The following DNAAF5 variants were observed in gnomAD, a reference collection of about 807,000 sequenced individuals.
DNAAF5 encodes the protein HEAT repeat containing 2.
DNAAF5 carries 64 observed loss-of-function variants against 75.8 expected under a neutral mutation model. The ratio of observed to expected loss-of-function variants is 0.84; its 90% confidence interval spans 0.69 to 1.04. DNAAF5 has a LOEUF of 1.04. Among genes scored for constraint, DNAAF5 ranks in the 50% least tolerant of loss-of-function variants. The probability of loss-of-function intolerance (pLI) is 0.00; values close to 1 mark genes in which losing one functional copy is unlikely to be tolerated. For missense variants in DNAAF5, 1,269 were observed against 1,178.5 expected (o/e 1.08, Z -1.12); for synonymous variants, 657 against 557.2 (o/e 1.18, Z -2.52).
intron 6 of DNAAF5, among the ~76,000 whole-genome samples, chr7:758,690 AT>A (rs1782558695): frequency 6.6e-6 from 1 of 151,402 alleles, no homozygotes; most frequent in South Asian, 2.1e-4. Flanking sequence ...ATTTTTATTT[AT>A]TTACTTTTTG....
At chr7:776,613 T>G (rs1562400627) in intron 11 of DNAAF5, among the ~76,000 whole-genome samples, 3 of 152,104 alleles carry the variant, frequency 2.0e-5, no homozygotes, top group Non-Finnish European at 4.4e-5. Flanking sequence ...TGTCGCCGCC[T>G]CCTGGAGCCC....
intron 6 of DNAAF5, among the ~76,000 whole-genome samples, chr7:760,341 A>AC (rs974235332): frequency 6.6e-6 from 1 of 151,958 alleles, no homozygotes. Context: ...TTGAACTTGC[A>AC]CCCCCATTAG....
intron 12 of DNAAF5, among the ~76,000 whole-genome samples, chr7:782,592 C>G (rs1408596798): frequency 1.3e-5 from 2 of 149,556 alleles, no homozygotes; most frequent in African/African-American, 5.1e-5. Flanking sequence ...CCCGGCGTGG[C>G]CGCGTCCCGT....
At chr7:728,919 G>A (rs1781462851) in intron 1 of DNAAF5, among the ~76,000 whole-genome samples, 2 of 151,814 alleles carry the variant, frequency 1.3e-5, no homozygotes, top group South Asian at 2.1e-4. Flanking sequence ...TGGAATAGCC[G>A]TTTCCCAGAC....
chr7:763,028 G>A (rs1414151411), intron 7 of DNAAF5, among the ~76,000 whole-genome samples: 1 of 152,136 alleles, frequency 6.6e-6, no homozygotes, highest in Non-Finnish European at 1.5e-5. Context: ...CTCCCATTCT[G>A]TCTCTGTGGA....
chr7:726,902 G>C lies in DNAAF5; in HGVS notation c.182G>C (p.Gly61Ala). 1 of 1,345,392 alleles carries C rather than the reference G, an allele frequency of 7.4e-7. No homozygotes were observed. Among genetic ancestry groups the C allele is most frequent in the Admixed American group, 3.4e-5 (1 of 29,644 alleles). 83.3% of individuals were successfully genotyped at this position (1,345,392 alleles called of 1,614,324 possible). Residue 61 changes from glycine (G) to alanine (A), a missense_variant, in exon 1 of 13, where the codon GGC becomes GCC. Coordinates refer to ENST00000297440, the MANE Select transcript of DNAAF5 (RefSeq NM_017802.4). ...EALRRALEEPGPAADPTAFQG... is the reference protein window; with the variant it reads ...EALRRALEEPAPAADPTAFQG... ...CTGCGGCGCGCGCTGGAGGAGCCAG[G>C]CCCTGCCGCCGACCCCACCGCTTTC...
rs558730474 is a variant in DNAAF5, at chr7:735,566, C to T, written c.781-5253C>T. Among the ~76,000 whole-genome samples, 22 of 152,292 alleles carry T rather than the reference C, an allele frequency of 1.4e-4. No homozygotes were observed. The East Asian group carries it at 3.5e-3, about 24-fold the overall frequency. On this transcript the variant is annotated intron_variant, in intron 2 of 12. Transcript: ENST00000297440. ...TAGCTGCTCACAGTGTCGCTGCTCACGATGTCATTGCTCACAGTGTAGTTG... is the reference window on the plus strand; with the variant it reads ...TAGCTGCTCACAGTGTCGCTGCTCATGATGTCATTGCTCACAGTGTAGTTG...
intron 8 of DNAAF5, chr7:769,161 C>G (rs765732015): frequency 1.3e-6 from 1 of 774,184 alleles, no homozygotes; most frequent in African/African-American, 1.7e-5. Context: ...ACTGGCGGCG[C>G]CAGGGAGAAG....
chr7:767,931 C>T (rs1434641734), intron 8 of DNAAF5, among the ~76,000 whole-genome samples: 3 of 143,542 alleles, frequency 2.1e-5, no homozygotes, highest in Admixed American at 6.9e-5. Context: ...GCTGGGAGGG[C>T]GGACACGTGG....
intron 2 of DNAAF5, among the ~76,000 whole-genome samples, chr7:738,950 C>G (rs1781817137): frequency 6.6e-6 from 1 of 152,264 alleles, no homozygotes; most frequent in Non-Finnish European, 1.5e-5. Flanking sequence ...CCAGCGAGTT[C>G]AGACTGCTCC....
Position 729,803 on chromosome 7 carries a change from G to A in DNAAF5, c.736G>A (p.Val246Met), listed in dbSNP as rs753602990. 14 of 1,614,102 alleles carry A rather than the reference G, an allele frequency of 8.7e-6. No individual in the cohort carries two copies. In the South Asian group the frequency reaches 1.1e-4, roughly 13 times the overall value. ...HFGNGKSVDD[V>M]LSHFAQRLFD... ...TGGCAACGGGAAGTCCGTGGACGAC[G>A]TGCTTTCCCATTTTGCTCAGCGACT... The change falls in exon 2 of 13, where the codon GTG becomes ATG. Residue 246 changes from valine to methionine, a missense_variant. Physicochemically the swap from Val to Met is conservative, Grantham distance 21. Transcript: ENST00000297440.
chr7:750,637 C>T (rs952318529), intron 4 of DNAAF5, among the ~76,000 whole-genome samples: 2 of 152,152 alleles, frequency 1.3e-5, no homozygotes. Flanking sequence ...GGAGCTCAGG[C>T]GGTCACACTC....
intron 4 of DNAAF5, among the ~76,000 whole-genome samples, chr7:742,038 G>T (rs551709551): frequency 6.6e-6 from 1 of 152,186 alleles, no homozygotes; most frequent in South Asian, 2.1e-4. Context: ...GCATCTCTCC[G>T]CAGAGCCCAG....
Position 741,410 on chromosome 7 carries a change from C to A in DNAAF5, c.969C>A (p.Asp323Glu), listed in dbSNP as rs201264312. 97 of 1,577,696 alleles carry A rather than the reference C, an allele frequency of 6.1e-5. 1 individual carries two copies. In the Admixed American group the frequency reaches 1.5e-3, roughly 24 times the overall value. Reference sequence around the variant, plus strand: ...AGTGGCAGAAGGAGAATGAGGAGGACCTGAAGGACAAGCTGGACTTTGCCC... The same window carrying A: ...AGTGGCAGAAGGAGAATGAGGAGGAACTGAAGGACAAGCTGGACTTTGCCC... ...GLQWQKENEE[D>E]LKDKLDFAPP... The change falls in exon 4 of 13, where the codon GAC becomes GAA. Residue 323 changes from aspartate to glutamate, a missense_variant. Physicochemically the swap from Asp to Glu is conservative, Grantham distance 45. Coordinates refer to ENST00000297440, the MANE Select transcript of DNAAF5 (RefSeq NM_017802.4).
At position 727,260 on chromosome 7, in the gene DNAAF5, C is replaced by T; in HGVS notation, c.540C>T (p.Ala180=). ...ALRCSLLDPF[A]AVRRESCSCA... is the part of the protein sequence containing the mutation. ...GCTGCTCCCTGCTCGACCCCTTCGC[C>T]GCCGTGCGCCGCGAGAGCTGCAGCT... Residue 180 remains alanine (A), a synonymous_variant, in exon 1 of 13, where the codon GCC becomes GCT. Coordinates refer to ENST00000297440, the MANE Select transcript of DNAAF5 (RefSeq NM_017802.4). The T allele has an allele frequency of 3.0e-6, 4 of 1,331,894 alleles. No individual in the cohort carries two copies. The highest frequency in any genetic ancestry group is 2.9e-6 in the Non-Finnish European group (3 of 1,045,334). The allele number at this position is 1,331,894 out of a possible 1,614,324, so 82.5% of individuals were successfully genotyped here.
chr7:770,982 ATG>A (rs66509729), intron 9 of DNAAF5: 2 of 202,604 alleles, frequency 9.9e-6, no homozygotes, highest in Non-Finnish European at 1.0e-5. Flanking sequence ...TCGGCAGGGA[ATG>A]CACAGAGAAG....
At chr7:769,217 T>G (rs1457468824) in intron 8 of DNAAF5, 1 of 769,272 alleles carries the variant, frequency 1.3e-6, no homozygotes, top group South Asian at 1.4e-5. Context: ...TGACTCACAG[T>G]TGCTTGGATA....
At chr7:775,776 G>C (rs1432800522) in intron 11 of DNAAF5, among the ~76,000 whole-genome samples, 1 of 151,732 alleles carries the variant, frequency 6.6e-6, no homozygotes, top group Non-Finnish European at 1.5e-5. Flanking sequence ...TCGTGTGGAC[G>C]TTGCGTTCTG....
chr7:767,404 C>T (rs1778345056), intron 8 of DNAAF5, among the ~76,000 whole-genome samples: 1 of 152,176 alleles, frequency 6.6e-6, no homozygotes, highest in Non-Finnish European at 1.5e-5. Context: ...TTTCATCCAG[C>T]AATCACATTC....
Sources: gnomAD v4.1 joint callset for allele counts (sites outside exome capture counted in the v4.1 genomes callset) on GRCh38, gnomAD v4.1.1 for gene constraint, MANE v1.5 for transcripts, NCBI Gene and HGNC (gene_info 2026-07-23, HGNC 2026-07-21) for gene names.